RBMS1: variants seen among roughly 807,000 people sequenced by gnomAD.
The protein encoded by RBMS1 is RNA-binding motif, single-stranded-interacting protein 1.
Under a neutral mutation model 62.3 loss-of-function variants are expected in RBMS1, and 17 were observed. That is an observed-to-expected ratio of 0.27 (90% CI 0.19 to 0.41). The LOEUF is 0.41. RBMS1 is among the 10% of genes least tolerant of loss of function. The pLI is 1.00. For synonymous variants in RBMS1, 172 were observed against 170.0 expected (o/e 1.01, Z -0.09); for missense variants, 334 against 504.5 (o/e 0.66, Z 3.24).
chr2:160,308,467 T>C (rs1301181294), intron 4 of RBMS1, among the ~76,000 whole-genome samples: 2 of 152,106 alleles, frequency 1.3e-5, no homozygotes, highest in Non-Finnish European at 1.5e-5. Flanking sequence ...AGGTGCTCCT[T>C]TATCCAGACA....
chr2:160,363,916 G>C (rs928190579), intron 2 of RBMS1, among the ~76,000 whole-genome samples: 3 of 152,002 alleles, frequency 2.0e-5, no homozygotes, highest in Admixed American at 2.0e-4. Context: ...GAAAAAAAAA[G>C]CTAGGGAAAA....
chr2:160,371,114 T>C (rs1217615527), intron 1 of RBMS1, among the ~76,000 whole-genome samples: 2 of 152,232 alleles, frequency 1.3e-5, no homozygotes, highest in East Asian at 3.8e-4. Flanking sequence ...ATTCATAGAT[T>C]AAAATGCAAA....
intron 5 of RBMS1, among the ~76,000 whole-genome samples, chr2:160,302,194 AC>A (rs1254818668): frequency 6.6e-6 from 1 of 151,216 alleles, no homozygotes; most frequent in Admixed American, 6.6e-5. Flanking sequence ...CTATAACTAG[AC>A]TTTTAGACTT....
intron 1 of RBMS1, among the ~76,000 whole-genome samples, chr2:160,448,939 G>C (rs201297469): frequency 2.0e-5 from 3 of 151,762 alleles, no homozygotes; most frequent in Non-Finnish European, 4.4e-5. Context: ...GCCTCTGCCC[G>C]GTCGCCATCC....
chr2:160,350,786 C>A (rs1045235589), intron 2 of RBMS1, among the ~76,000 whole-genome samples: 2 of 152,134 alleles, frequency 1.3e-5, no homozygotes, highest in Non-Finnish European at 2.9e-5. Flanking sequence ...CAAGTCTTTG[C>A]TATTGTGAAT....
At position 160,476,617 on chromosome 2, in the gene RBMS1, G is replaced by T. The variant is rs4664330; in HGVS notation, c.75+16672C>A. ...TCGCCCAGGCTGGAGTGCAGTGGCG[G>T]GATCTCGGCTCACTGCAAGCTCCGC... On this transcript the variant is annotated intron_variant, in intron 1 of 13. Transcript: ENST00000348849. Among the ~76,000 whole-genome samples, 4 of 144,786 alleles carry T rather than the reference G, an allele frequency of 2.8e-5. No individual in the cohort carries two copies. The East Asian group carries it at 6.3e-4, about 23-fold the overall frequency. 95.0% of individuals were successfully genotyped at this position (144,786 alleles called of 152,430 possible).
chr2:160,432,649 T>C (rs552779784), intron 1 of RBMS1, among the ~76,000 whole-genome samples: 3 of 152,292 alleles, frequency 2.0e-5, no homozygotes, highest in East Asian at 1.9e-4. Context: ...TGCAAATCAA[T>C]TGTCCAAAAG....
At chr2:160,291,019 T>C (rs1014957172) in intron 6 of RBMS1, among the ~76,000 whole-genome samples, 32 of 152,184 alleles carry the variant, frequency 2.1e-4, no homozygotes, top group African/African-American at 7.7e-4. Flanking sequence ...TGTCTTTCTT[T>C]GATATTTGTA....
chr2:160,371,591 T>A (rs1307179060), intron 1 of RBMS1, among the ~76,000 whole-genome samples: 7 of 152,246 alleles, frequency 4.6e-5, no homozygotes, highest in Non-Finnish European at 2.9e-5. Context: ...TTAATTTGCA[T>A]GCCAAAATGG....
Position 160,493,476 on chromosome 2 carries a change from GGCTGCTGCT to G in RBMS1, c.-122_-114del. On this transcript the variant is annotated 5_prime_UTR_variant, in exon 1 of 14. Transcript: ENST00000348849. ...CGGCGGCAGCGGCGGCGGCGGCGGC[GGCTGCTGCT>G]GCTGCCGCTGCTCCACCTCCCAGCC... The G allele has an allele frequency of 1.1e-6, 1 of 873,242 alleles. No individual in the cohort carries two copies. The highest frequency in any genetic ancestry group is 1.4e-5 in the South Asian group (1 of 69,992). 54.1% of individuals were successfully genotyped at this position (873,242 alleles called of 1,614,324 possible). A position where few individuals can be genotyped will look rare whatever the true frequency, so the allele number is the denominator to read the frequency against.
At chr2:160,409,896 A>G (rs975033745) in intron 1 of RBMS1, among the ~76,000 whole-genome samples, 1 of 152,230 alleles carries the variant, frequency 6.6e-6, no homozygotes, top group African/African-American at 2.4e-5. Flanking sequence ...GAATTCTAAT[A>G]CTAAATACTA....
At chr2:160,288,832 T>C (rs1688539095) in intron 6 of RBMS1, among the ~76,000 whole-genome samples, 2 of 152,174 alleles carry the variant, frequency 1.3e-5, no homozygotes. Flanking sequence ...TAACCTTTTT[T>C]TTGTTTTTTT....
chr2:160,300,925 A>G (rs927512083), intron 5 of RBMS1, among the ~76,000 whole-genome samples, 195 bp from the exon 6 acceptor site: 3 of 152,238 alleles, frequency 2.0e-5, no homozygotes, highest in African/African-American at 7.2e-5. Flanking sequence ...ATGACAACTG[A>G]TAACAATAGA....
chr2:160,317,059 G>A (rs998435840), intron 3 of RBMS1, among the ~76,000 whole-genome samples: 3 of 152,068 alleles, frequency 2.0e-5, no homozygotes, highest in Non-Finnish European at 2.9e-5. Flanking sequence ...CATAAAGCAC[G>A]CTCTATTCAC....
At chr2:160,363,597 C>A (rs1693245968) in intron 2 of RBMS1, among the ~76,000 whole-genome samples, 2 of 151,722 alleles carry the variant, frequency 1.3e-5, no homozygotes, top group Non-Finnish European at 2.9e-5. Flanking sequence ...GGAAGAAGGG[C>A]CAAAGAAGAA....
intron 1 of RBMS1, among the ~76,000 whole-genome samples, chr2:160,389,455 C>T (rs779165596): frequency 2.4e-4 from 36 of 151,982 alleles, no homozygotes; most frequent in African/African-American, 6.5e-4. Context: ...GCCAGCACTT[C>T]GGGAGGCCAA....
At chr2:160,486,426 G>A (rs1045078206) in intron 1 of RBMS1, among the ~76,000 whole-genome samples, 1 of 152,140 alleles carries the variant, frequency 6.6e-6, no homozygotes, top group African/African-American at 2.4e-5. Flanking sequence ...CTGGGAAGAT[G>A]ATGCATTTTT....
At chr2:160,399,893 T>C (rs1210997331) in intron 1 of RBMS1, among the ~76,000 whole-genome samples, 1 of 152,184 alleles carries the variant, frequency 6.6e-6, no homozygotes, top group Non-Finnish European at 1.5e-5. Context: ...ACAATGAGGC[T>C]ACATATTTGC....
chr2:160,480,924 C>CA (rs1385914882), intron 1 of RBMS1, among the ~76,000 whole-genome samples: 1 of 151,542 alleles, frequency 6.6e-6, no homozygotes, highest in East Asian at 1.9e-4. Flanking sequence ...ACTAAAAATA[C>CA]AAAAAAATTA....
Sources: gnomAD v4.1 joint callset for allele counts (sites outside exome capture counted in the v4.1 genomes callset) on GRCh38, gnomAD v4.1.1 for gene constraint, MANE v1.5 for transcripts, NCBI Gene and HGNC (gene_info 2026-07-23, HGNC 2026-07-21) for gene names.